The following DGKI variants were observed in gnomAD, a reference collection of about 807,000 sequenced individuals.
DGKI encodes the protein diacylglycerol kinase iota.
DGKI carries 55 observed loss-of-function variants against 147.5 expected under a neutral mutation model. The ratio of observed to expected loss-of-function variants is 0.37; its 90% CI spans 0.30 to 0.47. The LOEUF is 0.47. Among genes scored for constraint, DGKI ranks in the 20% least tolerant of loss-of-function variants. The pLI is 1.00. For synonymous variants in DGKI, 469 were observed against 477.1 expected (o/e 0.98, Z 0.22); for missense variants, 1,007 against 1,323.8 (o/e 0.76, Z 3.71).
intron 30 of DGKI, among the ~76,000 whole-genome samples, chr7:137,397,938 G>T (rs549225040): frequency 1.3e-5 from 2 of 152,258 alleles, no homozygotes; most frequent in South Asian, 4.2e-4. Flanking sequence ...TGCATCCTTA[G>T]GAATGGAAAT....
chr7:137,519,870 C>A (rs1367713166), intron 21 of DGKI, among the ~76,000 whole-genome samples: 5 of 152,012 alleles, frequency 3.3e-5, no homozygotes, highest in African/African-American at 1.2e-4. Context: ...TTGTTTTCTT[C>A]AAATCCAAAT....
chr7:137,767,413 A>T (rs1012640605), intron 1 of DGKI, among the ~76,000 whole-genome samples: 1 of 151,956 alleles, frequency 6.6e-6, no homozygotes, highest in Non-Finnish European at 1.5e-5. Flanking sequence ...AGAAAATTAG[A>T]GGATAAATTC....
intron 3 of DGKI, among the ~76,000 whole-genome samples, chr7:137,663,421 T>C (rs1388968753): frequency 4.6e-5 from 7 of 152,330 alleles, no homozygotes; most frequent in Non-Finnish European, 5.9e-5. Flanking sequence ...GCTTAAAATA[T>C]GTATATTCAA....
chr7:137,395,814 T>A, intron 31 of DGKI, 117 bp from the exon 32 acceptor site: 1 of 860,080 alleles, frequency 1.2e-6, no homozygotes, highest in East Asian at 2.6e-5. Context: ...CTGCTGAGAC[T>A]TTGGCTGTAG....
intron 24 of DGKI, among the ~76,000 whole-genome samples, 157 bp from the exon 25 acceptor site, chr7:137,467,099 C>T (rs1187772436): frequency 6.6e-6 from 1 of 152,232 alleles, no homozygotes; most frequent in Non-Finnish European, 1.5e-5. Context: ...CTCAGCACTT[C>T]CATGCCTCTG....
chr7:137,583,606 C>T (rs571153123), intron 14 of DGKI, among the ~76,000 whole-genome samples: 2 of 152,112 alleles, frequency 1.3e-5, no homozygotes, highest in Non-Finnish European at 2.9e-5. Flanking sequence ...TAAATAAACC[C>T]TTTAATTATC....
At chr7:137,403,971 C>T (rs115834671) in intron 30 of DGKI, among the ~76,000 whole-genome samples, 2,789 of 152,124 alleles carry the variant, frequency 0.018, 87 homozygotes, top group African/African-American at 0.064. Flanking sequence ...CTTACTGAGG[C>T]CTCTTGGAAA....
intron 28 of DGKI, among the ~76,000 whole-genome samples, chr7:137,418,405 T>C (rs1371148312): frequency 6.6e-6 from 1 of 152,192 alleles, no homozygotes; most frequent in Non-Finnish European, 1.5e-5. Context: ...AGAATTATTT[T>C]AGACTAAGGT....
chr7:137,794,510 C>T (rs1796965813), intron 1 of DGKI, among the ~76,000 whole-genome samples: 1 of 152,218 alleles, frequency 6.6e-6, no homozygotes. Context: ...ATGTATTTAT[C>T]AAACTTTAAT....
intron 1 of DGKI, among the ~76,000 whole-genome samples, chr7:137,749,196 T>C (rs961543907): frequency 7.9e-5 from 12 of 152,202 alleles, no homozygotes; most frequent in Non-Finnish European, 1.5e-5. Context: ...AGCTCCTCTG[T>C]CCTCCACCTT....
chr7:137,484,517 G>T (rs1388791002), intron 23 of DGKI, among the ~76,000 whole-genome samples: 3 of 152,144 alleles, frequency 2.0e-5, no homozygotes, highest in South Asian at 2.1e-4. Flanking sequence ...GCAGGGTAAG[G>T]AGCCTTCAGA....
rs535137180 is a variant in DGKI at position 137,687,510 on chromosome 7, T to C, written c.510+2384A>G. On this transcript the variant is annotated intron_variant, in intron 2 of 32. Coordinates refer to ENST00000614521, the MANE Select transcript of DGKI (RefSeq NM_001321708.2). ...AACAAAGAAATCCCTGGCTGGCTCC[T>C]TGAACAGAAGAGCATACTAAAGTAA... Among the ~76,000 whole-genome samples, 53 of 152,324 alleles carry C rather than the reference T, an allele frequency of 3.5e-4. 1 individual carries two copies. In the South Asian group the frequency reaches 0.01, roughly 29 times the overall value.
intron 19 of DGKI, among the ~76,000 whole-genome samples, chr7:137,560,532 T>A (rs10276067): frequency 0.053 from 8,080 of 152,126 alleles, 409 homozygotes; most frequent in African/African-American, 0.13. Context: ...CCACCAAAAA[T>A]GATGCCCATG....
intron 1 of DGKI, among the ~76,000 whole-genome samples, chr7:137,796,836 A>G (rs1797049790): frequency 6.6e-6 from 1 of 152,202 alleles, no homozygotes; most frequent in African/African-American, 2.4e-5. Flanking sequence ...CAGCATACCA[A>G]CATACATGCA....
At chr7:137,620,147 C>G (rs1820695803) in intron 7 of DGKI, among the ~76,000 whole-genome samples, 1 of 152,004 alleles carries the variant, frequency 6.6e-6, no homozygotes, top group African/African-American at 2.4e-5. Flanking sequence ...CACCACCCAG[C>G]CAGCCCCAGG....
chr7:137,552,692 G>A (rs901445771), intron 19 of DGKI, 124 bp from the exon 20 acceptor site: 25 of 949,356 alleles, frequency 2.6e-5, no homozygotes, highest in African/African-American at 6.6e-5. Flanking sequence ...GTGGATCACC[G>A]GTGGTCAGGA....
chr7:137,708,118 G>T (rs1210166754), intron 1 of DGKI, among the ~76,000 whole-genome samples: 1 of 152,148 alleles, frequency 6.6e-6, no homozygotes, highest in East Asian at 1.9e-4. Flanking sequence ...ACCCCACTAA[G>T]ATGTCTCTTT....
chr7:137,694,467 T>A (rs1316655591), intron 1 of DGKI, among the ~76,000 whole-genome samples: 3 of 152,198 alleles, frequency 2.0e-5, no homozygotes, highest in Non-Finnish European at 4.4e-5. Context: ...TTTCTATCTA[T>A]CCTCATCTTG....
chr7:137,456,005 A>G (rs1053642343), intron 27 of DGKI, among the ~76,000 whole-genome samples: 2 of 152,212 alleles, frequency 1.3e-5, no homozygotes, highest in Non-Finnish European at 2.9e-5. Context: ...TGAGAAAACA[A>G]GAGTGTTGGT....
Sources: allele counts gnomAD v4.1 joint callset (sites outside exome capture counted in the v4.1 genomes callset), GRCh38; gene constraint gnomAD v4.1.1; transcripts MANE v1.5; gene names NCBI Gene and HGNC (gene_info 2026-07-23, HGNC 2026-07-21).